The following SNTG2 variants were observed in gnomAD, a reference collection of about 807,000 sequenced individuals.
SNTG2 encodes syntrophin gamma 2.
In SNTG2, 74 loss-of-function variants were observed where a neutral mutation model predicts 70.9. The ratio of observed to expected loss-of-function variants is 1.04; its 90% CI spans 0.86 to 1.27. The LOEUF is 1.27. Ranked by LOEUF, SNTG2 falls within the 50% of genes most tolerant of loss-of-function variation. The pLI, the probability that SNTG2 is intolerant of heterozygous loss-of-function variation, is 0.00. For missense variants in SNTG2, 717 were observed against 690.7 expected, an observed-to-expected ratio of 1.04 and a Z score of -0.43; for synonymous variants, 278 against 273.8, an observed-to-expected ratio of 1.02 and a Z score of -0.15.
chr2:1,168,860 C>T (rs181549939), intron 7 of SNTG2, among the ~76,000 whole-genome samples: 91 of 152,212 alleles, frequency 6.0e-4, no homozygotes, highest in African/African-American at 2.1e-3. Context: ...ATGAGAAAGG[C>T]GAATATTCCC....
At chr2:1,098,301 T>G (rs772058074) in intron 3 of SNTG2, 49 bp downstream of exon 3, 4 of 1,613,800 alleles carry the variant, frequency 2.5e-6, no homozygotes, top group Admixed American at 3.3e-5. Flanking sequence ...TGAAGAACTT[T>G]CCAGTGTGAA....
chr2:1,196,726 T>TTCAAAGTAC (rs1672932077), intron 8 of SNTG2, among the ~76,000 whole-genome samples: 1 of 152,056 alleles, frequency 6.6e-6, no homozygotes, highest in Non-Finnish European at 1.5e-5. Flanking sequence ...AGATGATACA[T>TTCAAAGTAC]TCAAAGTACT....
At chr2:1,270,694 G>A (rs1242163492) in intron 14 of SNTG2, among the ~76,000 whole-genome samples, 1 of 152,156 alleles carries the variant, frequency 6.6e-6, no homozygotes, top group Non-Finnish European at 1.5e-5. Flanking sequence ...CAAACTCTCC[G>A]TAAATGTGTT....
chr2:1,098,199 A>G lies in SNTG2; in HGVS notation c.214A>G (p.Arg72Gly). 6.2e-7 allele frequency: 1 copy of G among 1,614,032 alleles called. No homozygotes were observed. Reference protein sequence around the residue: ...VGGSHQGRNRRTVTLRRQPVG... With the variant: ...VGGSHQGRNRGTVTLRRQPVG... The stretch of plus-strand genomic sequence containing the variant: ...TGTTTTCTAAAATGTTTTAAAGCGC[A>G]GAACTGTTACACTCCGCAGACAGCC... Residue 72 changes from arginine (R) to glycine (G), a missense_variant, in exon 3 of 17, where the codon AGA becomes GGA. Physicochemically the swap from Arg to Gly is moderately radical, Grantham distance 125. Transcript: ENST00000308624.
At chr2:1,091,459 G>C (rs761895656) in intron 2 of SNTG2, among the ~76,000 whole-genome samples, 2 of 152,192 alleles carry the variant, frequency 1.3e-5, no homozygotes, top group African/African-American at 2.4e-5. Context: ...AGGGGCTCCA[G>C]ATGGACCAGA....
chr2:1,047,689 T>C (rs1661816141), intron 1 of SNTG2, among the ~76,000 whole-genome samples: 1 of 152,214 alleles, frequency 6.6e-6, no homozygotes, highest in Admixed American at 6.5e-5. Context: ...TTAAGTGTCA[T>C]TGCTGATTGG....
intron 16 of SNTG2, among the ~76,000 whole-genome samples, chr2:1,349,602 T>C (rs1185908179): frequency 2.0e-5 from 3 of 152,244 alleles, no homozygotes; most frequent in Non-Finnish European, 4.4e-5. Context: ...TGCCCAGGCA[T>C]GAACAAGGCC....
chr2:1,320,831 G>A (rs1159796920), intron 16 of SNTG2, among the ~76,000 whole-genome samples: 1 of 152,144 alleles, frequency 6.6e-6, no homozygotes, highest in East Asian at 1.9e-4. Flanking sequence ...AGGGGAAGCT[G>A]CCCTTCCCCA....
chr2:1,121,242 G>A (rs1422828361), intron 4 of SNTG2, among the ~76,000 whole-genome samples: 4 of 151,924 alleles, frequency 2.6e-5, no homozygotes, highest in African/African-American at 4.8e-5. Flanking sequence ...CAGAACTTCT[G>A]GGATGCCGCA....
At chr2:1,325,046 A>G (rs1312978402) in intron 16 of SNTG2, among the ~76,000 whole-genome samples, 3 of 152,250 alleles carry the variant, frequency 2.0e-5, no homozygotes, top group Non-Finnish European at 4.4e-5. Flanking sequence ...GCAAGTGACC[A>G]TGCCAGTCTT....
intron 16 of SNTG2, among the ~76,000 whole-genome samples, chr2:1,359,395 A>G (rs896366017): frequency 5.3e-5 from 8 of 152,160 alleles, no homozygotes. Flanking sequence ...ATATTTATTT[A>G]CAGTTGTTCT....
intron 12 of SNTG2, among the ~76,000 whole-genome samples, chr2:1,257,452 C>A (rs148753991): frequency 6.6e-6 from 1 of 152,100 alleles, no homozygotes; most frequent in Non-Finnish European, 1.5e-5. Context: ...GGCAGGACTA[C>A]GGCAAAACCA....
At chr2:982,456 G>A (rs889611230) in intron 1 of SNTG2, among the ~76,000 whole-genome samples, 1 of 152,196 alleles carries the variant, frequency 6.6e-6, no homozygotes, top group South Asian at 2.1e-4. Flanking sequence ...TACTGCAGGG[G>A]TGAAAACACC....
chr2:1,023,110 A>C (rs550490397), intron 1 of SNTG2, among the ~76,000 whole-genome samples: 60 of 151,564 alleles, frequency 4.0e-4, no homozygotes, highest in Non-Finnish European at 6.5e-4. Context: ...TTGACTTTAC[A>C]TTTAACCCAC....
At chr2:1,066,674 C>T (rs1294659939) in intron 1 of SNTG2, among the ~76,000 whole-genome samples, 1 of 152,050 alleles carries the variant, frequency 6.6e-6, no homozygotes, top group Non-Finnish European at 1.5e-5. Context: ...AGAAATGGTT[C>T]ATTGTTGCAT....
At chr2:996,673 G>GATTTTTTTTTTTTTTTTTT (rs1661690439) in intron 1 of SNTG2, among the ~76,000 whole-genome samples, 1 of 35,114 alleles carries the variant, frequency 2.8e-5, no homozygotes, top group African/African-American at 1.3e-4. Context: ...GAGTTACCCA[G>GATTTTTTTTTTTTTTTTTT]TTTTTTTTTT....
intron 9 of SNTG2, among the ~76,000 whole-genome samples, chr2:1,236,920 A>G (rs1462450345): frequency 6.6e-6 from 1 of 151,824 alleles, no homozygotes; most frequent in Non-Finnish European, 1.5e-5. Context: ...TATGAGTCAT[A>G]TACATTAATA....
intron 8 of SNTG2, among the ~76,000 whole-genome samples, chr2:1,173,511 G>A (rs1671266754): frequency 6.6e-6 from 1 of 152,232 alleles, no homozygotes; most frequent in African/African-American, 2.4e-5. Flanking sequence ...GGAAACTTCT[G>A]TGAGACTCCC....
chr2:1,116,695 TG>T (rs1344751406), intron 4 of SNTG2, among the ~76,000 whole-genome samples: 3 of 141,748 alleles, frequency 2.1e-5, no homozygotes, highest in Admixed American at 2.1e-4. Context: ...CTCTGGTGTG[TG>T]GGTGCTCTGG....
Sources: allele counts gnomAD v4.1 joint callset (sites outside exome capture counted in the v4.1 genomes callset), GRCh38; gene constraint gnomAD v4.1.1; transcripts MANE v1.5; gene names NCBI Gene and HGNC (gene_info 2026-07-23, HGNC 2026-07-21).